Variants in CAMSAP2 observed in about 807,000 individuals in gnomAD.
The protein encoded by CAMSAP2 is calmodulin regulated spectrin associated protein family member 2.
Under a neutral mutation model 146.1 loss-of-function variants are expected in CAMSAP2, and 26 were observed. That is an observed-to-expected ratio of 0.18 (90% CI 0.13 to 0.25). The LOEUF is 0.25. CAMSAP2 is among the 10% of genes least tolerant of loss of function. The pLI is 1.00. For missense variants in CAMSAP2, 1,381 were observed against 1,759.3 expected (o/e 0.78, Z 3.85); for synonymous variants, 499 against 596.6 (o/e 0.84, Z 2.38).
At chr1:200,807,351 ATTTG>A (rs754308936) in intron 2 of CAMSAP2, 21 bp from the exon 3 acceptor site, 25 of 1,446,934 alleles carry the variant, frequency 1.7e-5, no homozygotes, top group Non-Finnish European at 2.2e-5. Flanking sequence ...TTTTTAAACT[ATTTG>A]TTCTTGTTTT....
At chr1:200,814,047 G>A (rs909992956) in intron 3 of CAMSAP2, among the ~76,000 whole-genome samples, 22 of 144,466 alleles carry the variant, frequency 1.5e-4, no homozygotes, top group Non-Finnish European at 2.4e-4. Context: ...GACAAAGGTT[G>A]TAGTAAGTCG....
intron 2 of CAMSAP2, among the ~76,000 whole-genome samples, chr1:200,782,255 G>T (rs1391820755): frequency 1.3e-5 from 2 of 152,072 alleles, no homozygotes; most frequent in African/African-American, 2.4e-5. Context: ...AGAAGATGAG[G>T]CTGAGTGAAG....
intron 4 of CAMSAP2, among the ~76,000 whole-genome samples, chr1:200,823,291 T>G (rs1666821988): frequency 6.6e-6 from 1 of 152,220 alleles, no homozygotes; most frequent in Non-Finnish European, 1.5e-5. Context: ...CCTTATGTAT[T>G]TACTTTTAAA....
At chr1:200,851,965 C>A (rs1382246281) in intron 11 of CAMSAP2, among the ~76,000 whole-genome samples, 1 of 152,186 alleles carries the variant, frequency 6.6e-6, no homozygotes, top group Non-Finnish European at 1.5e-5. Flanking sequence ...AGATAATGAA[C>A]TAGCTCTCAA....
In CAMSAP2 at chr1:200,739,929, C is replaced by T. The variant is rs1220430141; in HGVS notation, c.102C>T (p.Cys34=). 5.6e-6 allele frequency: 9 copies of T among 1,614,066 alleles called. No individual in the cohort carries two copies. The highest frequency in any genetic ancestry group is 1.3e-5 in the African/African-American group (1 of 74,942). ...HYDFSRAKIA[C]NLAWLVAKAF... ...ATTTCTCCAGGGCCAAAATCGCCTG[C>T]AATCTGGCCTGGCTGGTGGCCAAAG... Residue 34 remains cysteine (C), a synonymous_variant, in exon 1 of 17, where the codon TGC becomes TGT. Transcript: ENST00000358823. This position sits in a 1 kb window ranked among gnomAD's most constrained non-coding sequence, Gnocchi z 4.8.
intron 2 of CAMSAP2, among the ~76,000 whole-genome samples, chr1:200,806,939 T>G (rs1310936978): frequency 1.3e-5 from 2 of 152,034 alleles, no homozygotes; most frequent in African/African-American, 4.8e-5. Flanking sequence ...GTGAGAAATG[T>G]TTGGGTCTGA....
Position 200,848,458 on chromosome 1 carries a change from A to C in CAMSAP2, c.1689A>C (p.Gln563His), listed in dbSNP as rs1434775435. ...CTCCTCATACACCTCAGCCAGACCA[A>C]ATTGCTAATGGCTTCTTTCTTCATA... is the stretch of plus-strand genomic sequence containing the variant. Reference protein sequence around the residue: ...EKSPHTPQPDQIANGFFLHSQ... With the variant: ...EKSPHTPQPDHIANGFFLHSQ... Residue 563 changes from glutamine (Q) to histidine (H), a missense_variant, in exon 11 of 17, where the codon CAA becomes CAC. Gln to His is a conservative substitution (Grantham distance 24). Transcript: ENST00000358823. 3 of 1,613,406 alleles carry C rather than the reference A, an allele frequency of 1.9e-6. No individual in the cohort carries two copies. The highest frequency in any genetic ancestry group is 2.5e-6 in the Non-Finnish European group (3 of 1,179,704).
intron 4 of CAMSAP2, among the ~76,000 whole-genome samples, chr1:200,824,201 C>T (rs1231409532): frequency 6.7e-6 from 1 of 148,728 alleles, no homozygotes; most frequent in African/African-American, 2.5e-5. Context: ...CAGACTGACT[C>T]CTGTGCTTTT....
intron 2 of CAMSAP2, among the ~76,000 whole-genome samples, chr1:200,787,229 A>T (rs1558177503): frequency 6.6e-6 from 1 of 152,182 alleles, no homozygotes; most frequent in African/African-American, 2.4e-5. Flanking sequence ...TCTGCTATAG[A>T]TAGTGATTCC....
chr1:200,809,354 C>G (rs1250853326), intron 3 of CAMSAP2, among the ~76,000 whole-genome samples: 1 of 152,178 alleles, frequency 6.6e-6, no homozygotes, highest in African/African-American at 2.4e-5. Context: ...ACTTTCTTCC[C>G]TTTTTTGTGG....
At chr1:200,797,941 T>C (rs1369488892) in intron 2 of CAMSAP2, among the ~76,000 whole-genome samples, 1 of 152,136 alleles carries the variant, frequency 6.6e-6, no homozygotes, top group Non-Finnish European at 1.5e-5. Flanking sequence ...CCTTTCCCCA[T>C]TGCATGTTTT....
At chr1:200,779,657 G>A (rs1281270594) in intron 2 of CAMSAP2, among the ~76,000 whole-genome samples, 3 of 152,210 alleles carry the variant, frequency 2.0e-5, no homozygotes, top group Non-Finnish European at 4.4e-5. Context: ...AAATACTGTG[G>A]AGGGTAGTCA....
Position 200,849,892 on chromosome 1 carries a change from G to A in CAMSAP2, c.3123G>A (p.Lys1041=). ...CCAAACCTAAAGAGGAAGTTAAAAA[G>A]GAGGAATTGGAATCCAAAGGGACTT... ...KESKPKEEVK[K]EELESKGTLE... The change falls in exon 11 of 17, where the codon AAG becomes AAA. Residue 1041 remains lysine (K), a synonymous_variant. Transcript: ENST00000358823. This position sits in a 1 kb window ranked among gnomAD's most constrained non-coding sequence, Gnocchi z 6.3. The A allele has an allele frequency of 1.2e-6, 2 of 1,614,096 alleles. No individual in the cohort carries two copies. Among genetic ancestry groups the A allele is most frequent in the Non-Finnish European group, 1.7e-6 (2 of 1,180,014 alleles).
At chr1:200,837,066 T>C (rs1323105519) in intron 6 of CAMSAP2, among the ~76,000 whole-genome samples, 1 of 152,208 alleles carries the variant, frequency 6.6e-6, no homozygotes, top group African/African-American at 2.4e-5. Flanking sequence ...TGATAGTTTC[T>C]TTTGCTGTGC....
At chr1:200,813,377 C>T (rs1382107982) in intron 3 of CAMSAP2, among the ~76,000 whole-genome samples, 9 of 152,182 alleles carry the variant, frequency 5.9e-5, no homozygotes, top group African/African-American at 2.2e-4. Context: ...TAGACCAAAG[C>T]GAAGGCCTTG....
Position 200,853,466 on chromosome 1 carries a change from C to G in CAMSAP2, c.3794C>G (p.Ser1265Cys). The change falls in exon 13 of 17, where the codon TCC (serine) becomes TGC (cysteine). Residue 1265 changes from serine (S) to cysteine (C), a missense_variant. This residue lies in a region of CAMSAP2 where 560 missense variants were observed against 715.9 expected (regional missense o/e 0.78). Transcript: ENST00000358823. This position sits in a 1 kb window ranked among gnomAD's most constrained non-coding sequence, Gnocchi z 5.1. ...TCTATTCACAGAGATCATATTGAAT[C>G]CCCCAAAACACCAATAAAGGGTCCT... ...PKSIHRDHIE[S>C]PKTPIKGPPV... 1 of 1,613,260 alleles carries G rather than the reference C, an allele frequency of 6.2e-7. No individual in the cohort carries two copies.
chr1:200,839,909 C>T (rs144558637), intron 6 of CAMSAP2, among the ~76,000 whole-genome samples: 4 of 152,276 alleles, frequency 2.6e-5, no homozygotes, highest in Middle Eastern at 3.4e-3. Context: ...GGATGAGAGC[C>T]ACTGCATAGC....
intron 12 of CAMSAP2, among the ~76,000 whole-genome samples, chr1:200,853,000 TACACAC>T (rs67551824): frequency 0.29 from 42,930 of 147,494 alleles, 6,807 homozygotes; most frequent in Non-Finnish European, 0.38. Context: ...TCCTGGGAGA[TACACAC>T]ACACACACAC....
chr1:200,842,236 T>C, intron 7 of CAMSAP2, 149 bp downstream of exon 7: 1 of 607,072 alleles, frequency 1.6e-6, no homozygotes, highest in Non-Finnish European at 2.9e-6. Flanking sequence ...CCTAACCTCT[T>C]AAAATGGTTA....
Sources: allele counts gnomAD v4.1 joint callset (sites outside exome capture counted in the v4.1 genomes callset), GRCh38; gene constraint gnomAD v4.1.1; regional missense constraint gnomAD v4.1.1; non-coding constraint Gnocchi (gnomAD v3.1); transcripts MANE v1.5; gene names NCBI Gene and HGNC (gene_info 2026-07-23, HGNC 2026-07-21).